MAP3K8: variants seen among roughly 807,000 people sequenced by gnomAD.
MAP3K8 encodes mitogen-activated protein kinase kinase kinase 8.
MAP3K8 carries 22 observed loss-of-function variants against 45.8 expected under a neutral mutation model. That is an observed-to-expected ratio of 0.48 (90% CI 0.34 to 0.69). MAP3K8 has a LOEUF of 0.69. MAP3K8 is among the 30% of genes least tolerant of loss of function. MAP3K8 has a pLI of 0.01. For synonymous variants in MAP3K8, 223 were observed against 214.3 expected, an observed-to-expected ratio of 1.04 and a Z score of -0.36; for missense variants, 419 against 585.0, an observed-to-expected ratio of 0.72 and a Z score of 2.93.
chr10:30,439,564 C>T, intron 3 of MAP3K8: 1 of 549,488 alleles, frequency 1.8e-6, no homozygotes, highest in Non-Finnish European at 3.1e-6. Context: ...AATCCGCGCA[C>T]TTGGAGAGGC....
chr10:30,460,383 T>C (rs903756854), intron 8 of MAP3K8, among the ~76,000 whole-genome samples: 10 of 152,200 alleles, frequency 6.6e-5, no homozygotes, highest in Non-Finnish European at 1.0e-4. Flanking sequence ...TCCATTTAGG[T>C]CCAAACCGAG....
Position 30,434,344 on chromosome 10 carries a change from A to G in MAP3K8, c.-289A>G, listed in dbSNP as rs934520770. 5.0e-5 allele frequency: 31 copies of G among 614,774 alleles called. No individual in the cohort carries two copies. In the African/African-American group the frequency reaches 5.8e-4, roughly 11 times the overall value. 38.1% of individuals were successfully genotyped at this position (614,774 alleles called of 1,614,324 possible). A position where few individuals can be genotyped will look rare whatever the true frequency, so the allele number is the denominator to read the frequency against. ...CGAACCTTCGGGGGGCCGCGGCTGGAGCGCTCGGCCGGCGTGGGAGCGCCA... is the reference window on the plus strand; with the variant it reads ...CGAACCTTCGGGGGGCCGCGGCTGGGGCGCTCGGCCGGCGTGGGAGCGCCA... On this transcript the variant is annotated 5_prime_UTR_variant, in exon 1 of 9. Coordinates refer to ENST00000263056, the MANE Select transcript of MAP3K8 (RefSeq NM_005204.4).
chr10:30,437,173 T>C lies in MAP3K8; in HGVS notation c.-254-3T>C, dbSNP rs1835940437. The C allele has an allele frequency of 1.0e-6, 1 of 985,392 alleles. No homozygotes were observed. The highest frequency in any genetic ancestry group is 1.2e-6 in the Non-Finnish European group (1 of 829,920). The allele number at this position is 985,392 out of a possible 1,614,324, so 61.0% of individuals were successfully genotyped here. A position where few individuals can be genotyped will look rare whatever the true frequency, so the allele number is the denominator to read the frequency against. The stretch of plus-strand genomic sequence containing the variant: ...TTTTCTCTCTCTTTATGTCTTGTTT[T>C]AGATGCAATCTTCTTACCGCGAAGA... On this transcript the variant is annotated splice_region_variant and splice_polypyrimidine_tract_variant and intron_variant, in intron 1 of 8. Transcript: ENST00000263056.
chr10:30,434,756 C>G, intron 1 of MAP3K8: 1 of 985,512 alleles, frequency 1.0e-6, no homozygotes, highest in Non-Finnish European at 1.2e-6. Context: ...CCGGTGAGTG[C>G]AGCTCGGAGG....
chr10:30,435,677 C>T (rs1411937670), intron 1 of MAP3K8, among the ~76,000 whole-genome samples: 3 of 152,152 alleles, frequency 2.0e-5, no homozygotes, highest in Non-Finnish European at 4.4e-5. Flanking sequence ...CTCAGCCTCC[C>T]GAGTAGCTGG....
At chr10:30,436,474 T>C (rs952863893) in intron 1 of MAP3K8, among the ~76,000 whole-genome samples, 1 of 152,002 alleles carries the variant, frequency 6.6e-6, no homozygotes, top group Non-Finnish European at 1.5e-5. Flanking sequence ...CTTCCCTCCC[T>C]CTCCCCTTTC....
chr10:30,438,730 G>A, intron 2 of MAP3K8, 186 bp from the exon 3 acceptor site: 1 of 492,982 alleles, frequency 2.0e-6, no homozygotes, highest in Admixed American at 3.4e-5. Context: ...TGGACTAAAG[G>A]TTATCTTAGG....
chr10:30,459,535 TTCCC>T (rs1564375265), intron 8 of MAP3K8, 34 bp downstream of exon 8: 2 of 1,608,952 alleles, frequency 1.2e-6, no homozygotes, highest in South Asian at 1.1e-5. Context: ...GCACACTTAC[TTCCC>T]TTCTCTTTCT....
Position 30,451,622 on chromosome 10 carries a change from T to C in MAP3K8, c.767-16T>C. On this transcript the variant is annotated splice_polypyrimidine_tract_variant and intron_variant, in intron 5 of 8. Transcript: ENST00000263056. ...TATAAAAAATTTTATCTTAAAAATA[T>C]TTCCTCTCATTTTAGCTAGCAACAT... The C allele has an allele frequency of 6.8e-7, 1 of 1,476,668 alleles. No homozygotes were observed. Among genetic ancestry groups the C allele is most frequent in the Non-Finnish European group, 9.3e-7 (1 of 1,075,840 alleles). 91.5% of individuals were successfully genotyped at this position (1,476,668 alleles called of 1,614,324 possible).
chr10:30,454,435 G>A (rs1836665971), intron 6 of MAP3K8, among the ~76,000 whole-genome samples: 1 of 152,076 alleles, frequency 6.6e-6, no homozygotes, highest in South Asian at 2.1e-4. Context: ...TGGCATGGTG[G>A]TGCATGTCTG....
In MAP3K8 at chr10:30,450,398, T is replaced by C; in HGVS notation, c.645T>C (p.Val215=). ...TGGAAGCAGGCGAGGGAGGGTCTGT[T>C]CTGGAGAAACTGGAGAGCTGTGGAC... ...LFMEAGEGGS[V]LEKLESCGPM... is the part of the protein sequence containing the mutation. Residue 215 remains valine, a synonymous_variant, in exon 5 of 9, where the codon GTT becomes GTC. Coordinates refer to ENST00000263056, the MANE Select transcript of MAP3K8 (RefSeq NM_005204.4). 6.2e-7 allele frequency: 1 copy of C among 1,614,142 alleles called. No individual in the cohort carries two copies. Among genetic ancestry groups the C allele is most frequent in the Non-Finnish European group, 8.5e-7 (1 of 1,180,022 alleles).
intron 3 of MAP3K8, among the ~76,000 whole-genome samples, chr10:30,443,427 T>C (rs981346393): frequency 1.3e-5 from 2 of 152,242 alleles, no homozygotes; most frequent in Non-Finnish European, 2.9e-5. Context: ...TTAAATTGCA[T>C]GTTCCCCAGA....
intron 6 of MAP3K8, among the ~76,000 whole-genome samples, chr10:30,453,780 C>G (rs932554911): frequency 1.3e-5 from 2 of 151,842 alleles, no homozygotes; most frequent in Admixed American, 1.3e-4. Flanking sequence ...GTAATCCCAA[C>G]CGTTCGAAAG....
At position 30,451,669 on chromosome 10, in the gene MAP3K8, T is replaced by G; in HGVS notation, c.798T>G (p.Ala266=). 1 of 1,596,000 alleles carries G rather than the reference T, an allele frequency of 6.3e-7. No homozygotes were observed. Among genetic ancestry groups the G allele is most frequent in the South Asian group, 1.2e-5 (1 of 86,486 alleles). Residue 266 remains alanine, a synonymous_variant, in exon 6 of 9, where the codon GCT becomes GCG. Transcript: ENST00000263056. ...PSNIVFMSTK[A]VLVDFGLSVQ... ...ACATTGTTTTCATGTCCACAAAAGC[T>G]GTTTTGGTGGATTTTGGCCTAAGTG...
chr10:30,448,288 T>C (rs1255120264), intron 4 of MAP3K8, among the ~76,000 whole-genome samples: 1 of 152,132 alleles, frequency 6.6e-6, no homozygotes, highest in African/African-American at 2.4e-5. Context: ...GCTTCTCCTT[T>C]CATTCCGCCC....
At chr10:30,440,860 GA>G (rs1010215000) in intron 3 of MAP3K8, among the ~76,000 whole-genome samples, 73 of 151,680 alleles carry the variant, frequency 4.8e-4, no homozygotes, top group African/African-American at 1.5e-3. Context: ...AAAATATGCA[GA>G]AAAAAAACCA....
intron 8 of MAP3K8, 72 bp from the exon 9 acceptor site, chr10:30,460,634 C>T: frequency 7.7e-7 from 1 of 1,292,236 alleles, no homozygotes; most frequent in Admixed American, 2.3e-5. Flanking sequence ...ATTTATTTCA[C>T]TGCAGAAGGA....
chr10:30,457,674 C>G (rs1429779524), intron 6 of MAP3K8, among the ~76,000 whole-genome samples: 2 of 152,130 alleles, frequency 1.3e-5, no homozygotes, highest in African/African-American at 4.8e-5. Flanking sequence ...GAGACTGAGT[C>G]TCGCTCTGTC....
rs1296299627 is a variant in MAP3K8 at position 30,461,485 on chromosome 10, CGTGAT to C, written c.*652_*656del. Reference sequence around the variant, plus strand: ...CATGCTATGCTGAAGACATTCAAAACGTGATGTTTTGAATGTGGATAAAACTGTGT... The same window carrying C: ...CATGCTATGCTGAAGACATTCAAAACGTTTTGAATGTGGATAAAACTGTGT... On this transcript the variant is annotated 3_prime_UTR_variant, in exon 9 of 9. Coordinates refer to ENST00000263056, the MANE Select transcript of MAP3K8 (RefSeq NM_005204.4). 2 of 195,874 alleles carry C rather than the reference CGTGAT, an allele frequency of 1.0e-5. No individual in the cohort carries two copies. The highest frequency in any genetic ancestry group is 4.6e-5 in the African/African-American group (2 of 43,264). The allele number at this position is 195,874 out of a possible 1,614,324, so 12.1% of individuals were successfully genotyped here.
Sources: allele counts gnomAD v4.1 joint callset (sites outside exome capture counted in the v4.1 genomes callset), GRCh38; gene constraint gnomAD v4.1.1; transcripts MANE v1.5; gene names NCBI Gene and HGNC (gene_info 2026-07-23, HGNC 2026-07-21).